Variants in GALNTL6 observed in about 807,000 individuals in gnomAD.
GALNTL6 encodes polypeptide N-acetylgalactosaminyltransferase-like 6.
GALNTL6 carries 46 observed loss-of-function variants against 73.7 expected under a neutral mutation model. That is an observed-to-expected ratio of 0.62 (90% CI 0.49 to 0.80). The LOEUF is 0.80. GALNTL6 is among the 30% of genes least tolerant of loss of function. GALNTL6 has a pLI of 0.00. For missense variants in GALNTL6, 604 were observed against 755.0 expected (o/e 0.80, Z 2.34); for synonymous variants, 259 against 263.7 (o/e 0.98, Z 0.17).
At chr4:171,899,335 A>C (rs1166861468) in intron 2 of GALNTL6, among the ~76,000 whole-genome samples, 1 of 152,094 alleles carries the variant, frequency 6.6e-6, no homozygotes, top group Admixed American at 6.5e-5. Flanking sequence ...TTCCTGTTAC[A>C]TTATGGCTTT....
chr4:172,343,849 A>T (rs1428881806), intron 4 of GALNTL6, among the ~76,000 whole-genome samples: 2 of 152,086 alleles, frequency 1.3e-5, no homozygotes, highest in East Asian at 3.9e-4. Flanking sequence ...ATTTTTAAAT[A>T]ATTTAAACTA....
chr4:172,804,039 A>G (rs896505955), intron 5 of GALNTL6, among the ~76,000 whole-genome samples: 2 of 152,252 alleles, frequency 1.3e-5, no homozygotes, highest in Admixed American at 1.3e-4. Context: ...TCTCCAGTGT[A>G]AAGAATATAG....
At chr4:172,995,290 A>G (rs1225873861) in intron 10 of GALNTL6, among the ~76,000 whole-genome samples, 1 of 152,178 alleles carries the variant, frequency 6.6e-6, no homozygotes, top group Non-Finnish European at 1.5e-5. Flanking sequence ...ATACAGCTGC[A>G]TGCCATTTTC....
At chr4:172,737,196 C>A (rs1472376038) in intron 5 of GALNTL6, among the ~76,000 whole-genome samples, 1 of 152,170 alleles carries the variant, frequency 6.6e-6, no homozygotes, top group Non-Finnish European at 1.5e-5. Context: ...TTTGAATAGG[C>A]TTTCTACCCA....
chr4:172,458,947 C>T (rs914335730), intron 5 of GALNTL6, among the ~76,000 whole-genome samples: 18 of 152,060 alleles, frequency 1.2e-4, no homozygotes, highest in African/African-American at 1.2e-4. Flanking sequence ...CGATGAATAT[C>T]GATGTGAAAA....
chr4:172,518,341 T>C (rs1734672867), intron 5 of GALNTL6, among the ~76,000 whole-genome samples: 1 of 151,958 alleles, frequency 6.6e-6, no homozygotes, highest in Admixed American at 6.6e-5. Context: ...CTAAAAATAA[T>C]GTGTGGTCCT....
intron 3 of GALNTL6, among the ~76,000 whole-genome samples, chr4:172,236,049 A>G (rs1194848666): frequency 1.3e-5 from 2 of 152,046 alleles, no homozygotes; most frequent in African/African-American, 2.4e-5. Flanking sequence ...ATACCTCCTA[A>G]TTTCAGTCAT....
At position 171,914,859 on chromosome 4, in the gene GALNTL6, C is replaced by T. The variant is rs1737573846; in HGVS notation, c.138+100141C>T. On this transcript the variant is annotated intron_variant, in intron 2 of 12. Transcript: ENST00000506823. Reference sequence around the variant, plus strand: ...TTCAATATTTTAGAGTATTTTTTTACACAGTTTGATAGGATCTTTTATTTT... The same window carrying T: ...TTCAATATTTTAGAGTATTTTTTTATACAGTTTGATAGGATCTTTTATTTT... Among the ~76,000 whole-genome samples the T allele has an allele frequency of 1.3e-5, 2 of 148,752 alleles. 1 individual carries two copies. The highest frequency in any genetic ancestry group is 4.2e-4 in the South Asian group (2 of 4,746).
At chr4:171,860,546 G>T (rs1735805324) in intron 2 of GALNTL6, among the ~76,000 whole-genome samples, 1 of 152,096 alleles carries the variant, frequency 6.6e-6, no homozygotes, top group Admixed American at 6.6e-5. Flanking sequence ...CCAGAAAAAA[G>T]ACTCTACTTT....
chr4:172,799,087 G>C (rs72998176), intron 5 of GALNTL6, among the ~76,000 whole-genome samples: 1 of 152,126 alleles, frequency 6.6e-6, no homozygotes, highest in Non-Finnish European at 1.5e-5. Context: ...ATGTTATTCA[G>C]CTCCCTGATA....
chr4:172,735,950 G>C (rs899564044), intron 5 of GALNTL6, among the ~76,000 whole-genome samples: 7 of 152,138 alleles, frequency 4.6e-5, no homozygotes, highest in African/African-American at 1.4e-4. Context: ...TTTTTATTAG[G>C]GTTTTCAAAA....
chr4:172,812,458 A>C (rs1456680770), intron 6 of GALNTL6, among the ~76,000 whole-genome samples: 8 of 152,230 alleles, frequency 5.3e-5, no homozygotes, highest in Admixed American at 5.2e-4. Context: ...CTTACAATAA[A>C]TATTAACTAA....
intron 2 of GALNTL6, among the ~76,000 whole-genome samples, chr4:172,207,097 C>T (rs1487058283): frequency 6.6e-6 from 1 of 151,544 alleles, no homozygotes; most frequent in African/African-American, 2.4e-5. Context: ...GATTACAGGC[C>T]GCCGTGCCTG....
chr4:172,459,972 A>G (rs1203576642), intron 5 of GALNTL6, among the ~76,000 whole-genome samples: 3 of 152,222 alleles, frequency 2.0e-5, no homozygotes, highest in Non-Finnish European at 2.9e-5. Flanking sequence ...CCATACTACA[A>G]GTCTATAGTA....
intron 5 of GALNTL6, among the ~76,000 whole-genome samples, chr4:172,442,058 A>G (rs1731856409): frequency 1.3e-5 from 2 of 152,174 alleles, no homozygotes; most frequent in South Asian, 2.1e-4. Flanking sequence ...AGAAATATAT[A>G]TTAAATAATG....
intron 7 of GALNTL6, among the ~76,000 whole-genome samples, chr4:172,869,680 G>A (rs1744826629): frequency 6.6e-6 from 1 of 152,096 alleles, no homozygotes; most frequent in Non-Finnish European, 1.5e-5. Context: ...AAAGACTATA[G>A]TATATTTCCA....
chr4:172,954,032 T>C (rs1292513084), intron 10 of GALNTL6, among the ~76,000 whole-genome samples: 2 of 152,196 alleles, frequency 1.3e-5, no homozygotes. Flanking sequence ...TCTATGATGA[T>C]TCAAATGCTG....
chr4:171,820,335 T>C (rs905311558), intron 2 of GALNTL6, among the ~76,000 whole-genome samples: 1 of 152,192 alleles, frequency 6.6e-6, no homozygotes, highest in Non-Finnish European at 1.5e-5. Flanking sequence ...AGCACATCAA[T>C]GTTTCCACCA....
chr4:172,882,955 T>C, intron 8 of GALNTL6, 48 bp downstream of exon 8: 2 of 991,322 alleles, frequency 2.0e-6, no homozygotes, highest in Middle Eastern at 2.2e-4. Flanking sequence ...ATTTTGACAA[T>C]TCTGATAGAA....
Sources: allele counts gnomAD v4.1 joint callset (sites outside exome capture counted in the v4.1 genomes callset), GRCh38; gene constraint gnomAD v4.1.1; transcripts MANE v1.5; gene names NCBI Gene and HGNC (gene_info 2026-07-23, HGNC 2026-07-21).